The following LAMA3 variants were observed in gnomAD, a reference collection of about 807,000 sequenced individuals.
LAMA3 encodes laminin subunit alpha-3.
In LAMA3, 281 loss-of-function variants were observed where a neutral mutation model predicts 402.0. The ratio of observed to expected loss-of-function variants is 0.70; its 90% CI spans 0.63 to 0.77. LAMA3 has a LOEUF of 0.77. Ranked by LOEUF, LAMA3 falls within the 30% of genes least tolerant of loss-of-function variation. LAMA3 has a pLI of 0.00. For synonymous variants in LAMA3, 1,431 were observed against 1,558.4 expected (o/e 0.92, Z 1.93); for missense variants, 3,840 against 4,215.5 (o/e 0.91, Z 2.47).
chr18:23,866,135 T>C (rs1299970440), intron 36 of LAMA3, among the ~76,000 whole-genome samples: 1 of 152,244 alleles, frequency 6.6e-6, no homozygotes, highest in Non-Finnish European at 1.5e-5. Flanking sequence ...CCACACACTA[T>C]GTGCCTGGCA....
chr18:23,893,856 T>C (rs1296946203), intron 42 of LAMA3, among the ~76,000 whole-genome samples: 1 of 152,222 alleles, frequency 6.6e-6, no homozygotes, highest in Non-Finnish European at 1.5e-5. Context: ...TGTTCTTGAA[T>C]GATGCCAGAA....
In LAMA3 at chr18:23,748,061, G is replaced by T. The variant is rs546725574; in HGVS notation, c.565+1G>T. On this transcript the variant is annotated splice_donor_variant, in intron 3 of 74. Transcript: ENST00000313654. LOFTEE classifies it high-confidence loss of function. ...TACTCACCATGGCAATATTTTGCTC[G>T]TAAGTAATCTTGCCTACCATGTTAT... 2.6e-6 allele frequency: 4 copies of T among 1,515,774 alleles called. No individual in the cohort carries two copies. Among genetic ancestry groups the T allele is most frequent in the South Asian group, 1.1e-5 (1 of 89,086 alleles). 93.9% of individuals were successfully genotyped at this position (1,515,774 alleles called of 1,614,324 possible).
chr18:23,908,002 T>C, intron 54 of LAMA3, 67 bp downstream of exon 54: 5 of 1,483,898 alleles, frequency 3.4e-6, no homozygotes, highest in Non-Finnish European at 4.7e-6. Flanking sequence ...TTGGTCCATT[T>C]CCATTCTTCC....
intron 38 of LAMA3, 129 bp from the exon 39 acceptor site, chr18:23,876,165 G>T: frequency 2.9e-6 from 2 of 697,804 alleles, no homozygotes; most frequent in Admixed American, 2.0e-5. Flanking sequence ...CTCCAGCCTG[G>T]GCAGCAGAGT....
At chr18:23,742,220 T>C (rs926169445) in intron 2 of LAMA3, among the ~76,000 whole-genome samples, 3 of 152,222 alleles carry the variant, frequency 2.0e-5, no homozygotes, top group South Asian at 2.1e-4. Context: ...TGACCAATTC[T>C]ATGATGGAAC....
intron 2 of LAMA3, among the ~76,000 whole-genome samples, chr18:23,739,054 C>T (rs556884217): frequency 5.5e-4 from 84 of 152,338 alleles, no homozygotes; most frequent in African/African-American, 1.9e-3. Context: ...CTCTGGACAG[C>T]TGCCCAGTGT....
intron 2 of LAMA3, among the ~76,000 whole-genome samples, chr18:23,716,693 G>A (rs2061106565): frequency 6.6e-6 from 1 of 152,164 alleles, no homozygotes; most frequent in Admixed American, 6.5e-5. Context: ...TGACAAACGT[G>A]AGTCATGGCA....
rs111523153 is a variant in LAMA3 at position 23,897,736 on chromosome 18, A to G, written c.5614-1002A>G. ...TCCCTTTCCCCAAAGTAAAGTTAAA[A>G]TAGAACTATCTTCTTGCTGTATCAC... On this transcript the variant is annotated intron_variant, in intron 44 of 74. Transcript: ENST00000313654. Among the ~76,000 whole-genome samples, 1,270 of 152,368 alleles carry G rather than the reference A, an allele frequency of 8.3e-3. 10 individuals are homozygous for G. Among genetic ancestry groups the G allele is most frequent in the Middle Eastern group, 0.048 (14 of 294 alleles).
At chr18:23,931,803 G>A (rs1244829650) in intron 65 of LAMA3, 4 of 334,896 alleles carry the variant, frequency 1.2e-5, no homozygotes, top group Non-Finnish European at 2.3e-5. Context: ...CAGGGTACCT[G>A]GGGTGCTACT....
At position 23,904,030 on chromosome 18, in the gene LAMA3, T is replaced by A. The variant is rs772224215; in HGVS notation, c.6416T>A (p.Val2139Glu). The change falls in exon 50 of 75, where the codon GTG becomes GAG. Residue 2139 changes from valine to glutamate, a missense_variant. Physicochemically the swap from Val to Glu is moderately radical, Grantham distance 121 (BLOSUM62 -2). Around this residue, in one of 3 missense-constraint regions of LAMA3, gnomAD observed 891 missense variants for 857.5 expected, o/e 1.04. Transcript: ENST00000313654. ...AGATCTGCTGGCAAAACATCCCTTG[T>A]GGAGGAGGCAGAAAAGCACGCGCGG... Reference protein sequence around the residue: ...LSRSAGKTSLVEEAEKHARSL... With the variant: ...LSRSAGKTSLEEEAEKHARSL... 6.2e-7 allele frequency: 1 copy of A among 1,614,092 alleles called. No homozygotes were observed. Among genetic ancestry groups the A allele is most frequent in the East Asian group, 2.2e-5 (1 of 44,884 alleles).
At chr18:23,829,074 G>A (rs1186904462) in intron 23 of LAMA3, among the ~76,000 whole-genome samples, 1 of 152,180 alleles carries the variant, frequency 6.6e-6, no homozygotes, top group East Asian at 1.9e-4. Flanking sequence ...CCAGTGAAAA[G>A]CATGAATAGG....
chr18:23,732,597 G>A (rs936617082), intron 2 of LAMA3, among the ~76,000 whole-genome samples: 1 of 152,090 alleles, frequency 6.6e-6, no homozygotes, highest in African/African-American at 2.4e-5. Context: ...AGGGTGCGCA[G>A]GTTTTCAGCA....
rs1177067086 is a variant in LAMA3 at position 23,914,807 on chromosome 18, T to C, written c.7591T>C (p.Leu2531=). The change falls in exon 58 of 75, where the codon TTG becomes CTG. Residue 2531 remains leucine (L), a synonymous_variant. Coordinates refer to ENST00000313654, the MANE Select transcript of LAMA3 (RefSeq NM_198129.4). ...DGRNSNTLLN[L]DPENVVFYVG... Reference sequence around the variant, plus strand: ...TAGAAATAGCAATACACTCCTTAATTTGGATCCTGAAAATGTTGTATTTTA... The same window carrying C: ...TAGAAATAGCAATACACTCCTTAATCTGGATCCTGAAAATGTTGTATTTTA... 4.3e-6 allele frequency: 7 copies of C among 1,613,486 alleles called. No individual in the cohort carries two copies. Among genetic ancestry groups the C allele is most frequent in the Non-Finnish European group, 5.9e-6 (7 of 1,179,456 alleles).
rs1399389903 is a variant in LAMA3, at chr18:23,898,804, G to A, written c.5680G>A (p.Glu1894Lys). ...ATCAAAAATAGAAGGCCTGGAAAGA[G>A]AACTGACTGATTTGAATCAAGAATT... is the stretch of plus-strand genomic sequence containing the variant. ...HGSKIEGLER[E>K]LTDLNQEFET... Residue 1894 changes from glutamate (E) to lysine (K), a missense_variant, in exon 45 of 75, where the codon GAA becomes AAA. Physicochemically the swap from Glu to Lys is moderately conservative, Grantham distance 56. This residue lies in a region of LAMA3 where 891 missense variants were observed against 857.5 expected (regional missense o/e 1.04). Coordinates refer to ENST00000313654, the MANE Select transcript of LAMA3 (RefSeq NM_198129.4). The A allele has an allele frequency of 6.2e-7, 1 of 1,612,696 alleles. No individual in the cohort carries two copies. Among genetic ancestry groups the A allele is most frequent in the African/African-American group, 1.3e-5 (1 of 75,022 alleles).
intron 70 of LAMA3, among the ~76,000 whole-genome samples, chr18:23,949,171 G>A (rs1215002566): frequency 6.6e-6 from 1 of 152,196 alleles, no homozygotes; most frequent in East Asian, 1.9e-4. Flanking sequence ...CACTGTCAAT[G>A]CACACTGTGT....
At chr18:23,939,813 C>T (rs961632357) in intron 68 of LAMA3, among the ~76,000 whole-genome samples, 2 of 152,084 alleles carry the variant, frequency 1.3e-5, no homozygotes, top group South Asian at 2.1e-4. Flanking sequence ...GGCCTTTTTG[C>T]GCTAACAAGT....
intron 23 of LAMA3, 143 bp downstream of exon 23, chr18:23,827,610 A>G: frequency 1.0e-6 from 1 of 956,492 alleles, no homozygotes; most frequent in South Asian, 1.6e-5. Context: ...TTGCTGAACT[A>G]TCTGATTTAG....
rs1217454454 is a variant in LAMA3, at chr18:23,689,788, C to A, written c.105C>A (p.Thr35=). The A allele has an allele frequency of 1.3e-6, 2 of 1,533,218 alleles. No homozygotes were observed. The highest frequency in any genetic ancestry group is 2.6e-5 in the East Asian group (1 of 38,898). The allele number at this position is 1,533,218 out of a possible 1,614,324, so 95.0% of individuals were successfully genotyped here. Residue 35 remains threonine, a synonymous_variant, in exon 1 of 75, where the codon ACC becomes ACA. Transcript: ENST00000313654. The stretch of plus-strand genomic sequence containing the variant: ...GGGTGCTGCCAGCCTGCGGGGCGAC[C>A]GCTCGGGATCCCGGGGCCGCGGCCG... ...VLRVLPACGA[T]ARDPGAAAGL...
chr18:23,947,812 CTTTT>C (rs35106056), intron 70 of LAMA3, among the ~76,000 whole-genome samples: 1 of 110,492 alleles, frequency 9.1e-6, no homozygotes, highest in Admixed American at 9.1e-5. Context: ...TTCCTATTTT[CTTTT>C]TTTTTTTTTT....
Sources: allele counts gnomAD v4.1 joint callset (sites outside exome capture counted in the v4.1 genomes callset), GRCh38; gene constraint gnomAD v4.1.1; regional missense constraint gnomAD v4.1.1; transcripts MANE v1.5; gene names NCBI Gene and HGNC (gene_info 2026-07-23, HGNC 2026-07-21).